The following PKD2L2 variants were observed in gnomAD, a reference collection of about 807,000 sequenced individuals.
PKD2L2 encodes the protein polycystin-2-like protein 2.
Under a neutral mutation model 83.9 loss-of-function variants are expected in PKD2L2, and 67 were observed. The ratio of observed to expected loss-of-function variants is 0.80; its 90% CI spans 0.66 to 0.98. The LOEUF (loss-of-function observed/expected upper bound fraction) is 0.98, where lower values mean the gene tolerates loss of function less well. Ranked by LOEUF, PKD2L2 falls within the 50% of genes least tolerant of loss-of-function variation. The pLI, the probability that PKD2L2 is intolerant of heterozygous loss-of-function variation, is 0.00. For synonymous variants in PKD2L2, 223 were observed against 237.8 expected, an observed-to-expected ratio of 0.94 and a Z score of 0.57; for missense variants, 632 against 717.2, an observed-to-expected ratio of 0.88 and a Z score of 1.36.
intron 4 of PKD2L2, among the ~76,000 whole-genome samples, chr5:137,898,482 AC>A (rs1415938022): frequency 6.6e-6 from 1 of 152,140 alleles, no homozygotes; most frequent in Non-Finnish European, 1.5e-5. Context: ...AACAGAAACA[AC>A]CTGTTAAAGA....
rs535993381 is a variant in PKD2L2, at chr5:137,936,344, G to A, written c.1809G>A (p.Leu603=). 9.0e-4 allele frequency: 1,375 copies of A among 1,531,504 alleles called. 1 individual carries two copies. Among genetic ancestry groups the A allele is most frequent in the Non-Finnish European group, 9.8e-4 (1,116 of 1,142,500 alleles). The allele number at this position is 1,531,504 out of a possible 1,614,324, so 94.9% of individuals were successfully genotyped here. A position where few individuals can be genotyped will look rare whatever the true frequency, so the allele number is the denominator to read the frequency against. Residue 603 remains leucine (L), a synonymous_variant, in exon 14 of 15, where the codon CTG becomes CTA. Coordinates refer to ENST00000508883, the MANE Select transcript of PKD2L2 (RefSeq NM_001300921.2). Reference sequence around the variant, plus strand: ...GACTTTTTTTATATGCTGTGGAGCTGGAGAAGGAATTACACTACATCAATT... The same window carrying A: ...GACTTTTTTTATATGCTGTGGAGCTAGAGAAGGAATTACACTACATCAATT... The part of the protein sequence containing the change: ...FRELFLYAVE[L]EKELHYINLK...
At chr5:137,926,069 C>G in intron 12 of PKD2L2, 140 bp downstream of exon 12, 1 of 566,356 alleles carries the variant, frequency 1.8e-6, no homozygotes, top group South Asian at 2.3e-5. Flanking sequence ...CTCCCAGAAT[C>G]TAGATCCTTT....
intron 12 of PKD2L2, among the ~76,000 whole-genome samples, chr5:137,932,517 T>C (rs1759958474): frequency 6.6e-6 from 1 of 152,260 alleles, no homozygotes; most frequent in Non-Finnish European, 1.5e-5. Context: ...AGTGAAATGA[T>C]AACACTGAGA....
intron 5 of PKD2L2, among the ~76,000 whole-genome samples, chr5:137,904,255 A>C (rs184406544): frequency 6.6e-6 from 1 of 152,294 alleles, no homozygotes; most frequent in East Asian, 1.9e-4. Flanking sequence ...TTTGCTCTAG[A>C]ATCAAACACT....
chr5:137,912,586 C>T (rs1396010810), intron 8 of PKD2L2, among the ~76,000 whole-genome samples: 3 of 151,508 alleles, frequency 2.0e-5, no homozygotes, highest in African/African-American at 7.3e-5. Flanking sequence ...AGGCTGGTCT[C>T]GAACTCCTGA....
At chr5:137,915,461 C>T (rs544023971) in intron 8 of PKD2L2, among the ~76,000 whole-genome samples, 84 of 152,022 alleles carry the variant, frequency 5.5e-4, no homozygotes, top group Admixed American at 2.8e-3. Flanking sequence ...CTCACTCTGT[C>T]GCCCAGGCTG....
At chr5:137,940,138 AC>A in intron 14 of PKD2L2, 1 of 1,614,038 alleles carries the variant, frequency 6.2e-7, no homozygotes, top group Non-Finnish European at 8.5e-7. Flanking sequence ...GCCTGACAAA[AC>A]GAATTTAAGT....
intron 14 of PKD2L2, chr5:137,939,355 G>C (rs945110556): frequency 6.6e-6 from 1 of 152,664 alleles, no homozygotes; most frequent in Non-Finnish European, 1.5e-5. Flanking sequence ...ACAAATCTGA[G>C]CACCATCAGA....
intron 12 of PKD2L2, among the ~76,000 whole-genome samples, chr5:137,927,957 G>A (rs1759514798): frequency 6.6e-6 from 1 of 151,996 alleles, no homozygotes; most frequent in Non-Finnish European, 1.5e-5. Flanking sequence ...GAAATAGAAG[G>A]TGACGTGAAT....
Position 137,936,333 on chromosome 5 carries a change from G to A in PKD2L2, c.1798G>A (p.Ala600Thr). Residue 600 changes from alanine (A) to threonine (T), a missense_variant, in exon 14 of 15, where the codon GCT becomes ACT. By Grantham distance (58) the Ala-to-Thr change is moderately conservative. This residue lies in a region of PKD2L2 where 399 missense variants were observed against 416.9 expected (regional missense o/e 0.96). Coordinates refer to ENST00000508883, the MANE Select transcript of PKD2L2 (RefSeq NM_001300921.2). Reference sequence around the variant, plus strand: ...GAAATTTTCTAGACTTTTTTTATATGCTGTGGAGCTGGAGAAGGAATTACA... The same window carrying A: ...GAAATTTTCTAGACTTTTTTTATATACTGTGGAGCTGGAGAAGGAATTACA... ...QEEFRELFLY[A>T]VELEKELHYI... The A allele has an allele frequency of 3.3e-6, 5 of 1,530,564 alleles. No individual in the cohort carries two copies. Among genetic ancestry groups the A allele is most frequent in the Non-Finnish European group, 4.4e-6 (5 of 1,141,732 alleles). 94.8% of individuals were successfully genotyped at this position (1,530,564 alleles called of 1,614,324 possible).
chr5:137,936,636 T>G (rs910809651), intron 14 of PKD2L2, among the ~76,000 whole-genome samples: 2 of 152,188 alleles, frequency 1.3e-5, no homozygotes, highest in African/African-American at 2.4e-5. Context: ...TTTGTATTTT[T>G]AGTAGAGACG....
intron 5 of PKD2L2, among the ~76,000 whole-genome samples, chr5:137,904,737 C>G (rs773297002): frequency 6.6e-6 from 1 of 152,106 alleles, no homozygotes; most frequent in South Asian, 2.1e-4. Flanking sequence ...TATAACAAAC[C>G]TGCACATGCA....
chr5:137,894,424 A>T lies in PKD2L2; in HGVS notation c.339A>T (p.Leu113Phe). ...ACAATAACCAGCAGCTGTATAATTT[A>T]AAGAACAGCAGTCGCATCTACTATG... Reference protein sequence around the residue: ...SWYNNQQLYNLKNSSRIYYEN... With the variant: ...SWYNNQQLYNFKNSSRIYYEN... Residue 113 changes from leucine to phenylalanine, a missense_variant, in exon 4 of 15, where the codon TTA becomes TTT. Around this residue, in one of 3 missense-constraint regions of PKD2L2, gnomAD observed 229 missense variants for 281.5 expected, o/e 0.81. Coordinates refer to ENST00000508883, the MANE Select transcript of PKD2L2 (RefSeq NM_001300921.2). The T allele has an allele frequency of 1.2e-6, 2 of 1,613,218 alleles. No homozygotes were observed. The highest frequency in any genetic ancestry group is 3.3e-5 in the Admixed American group (2 of 60,024).
chr5:137,939,806 A>C, intron 14 of PKD2L2: 1 of 1,199,872 alleles, frequency 8.3e-7, no homozygotes, highest in Non-Finnish European at 1.0e-6. Context: ...TCATTCTGTA[A>C]GAAAAAGGCA....
chr5:137,892,750 A>G, intron 3 of PKD2L2, 137 bp downstream of exon 3: 1 of 704,112 alleles, frequency 1.4e-6, no homozygotes, highest in Non-Finnish European at 2.3e-6. Flanking sequence ...ATTAGAAACA[A>G]CCAACCAGTA....
At chr5:137,905,331 G>C (rs1277344729) in intron 5 of PKD2L2, among the ~76,000 whole-genome samples, 1 of 152,128 alleles carries the variant, frequency 6.6e-6, no homozygotes, top group Non-Finnish European at 1.5e-5. Flanking sequence ...ACTAAACAGA[G>C]TATTAATTTT....
Position 137,908,884 on chromosome 5 carries a change from C to T in PKD2L2, c.1266C>T (p.Ala422=). The stretch of plus-strand genomic sequence containing the variant: ...TTTTTATAATATTCTTTGCTTATGC[C>T]CAGTTAGGATTTCTTGTTTTTGGAT... ...IMFFIIFFAY[A]QLGFLVFGSQ... The change falls in exon 8 of 15, where the codon GCC becomes GCT. Residue 422 remains alanine (A), a synonymous_variant. Transcript: ENST00000508883. 1 of 1,608,550 alleles carries T rather than the reference C, an allele frequency of 6.2e-7. No individual in the cohort carries two copies.
At chr5:137,907,956 G>A (rs1269488245) in intron 7 of PKD2L2, 44 bp downstream of exon 7, 2 of 821,718 alleles carry the variant, frequency 2.4e-6, no homozygotes, top group Non-Finnish European at 3.5e-6. Context: ...CAGTGTAATA[G>A]CATAATGAAA....
In PKD2L2 at chr5:137,931,620, A is replaced by G. The variant is rs780664108; in HGVS notation, c.1672-4177A>G. On this transcript the variant is annotated intron_variant, in intron 12 of 14. Coordinates refer to ENST00000508883, the MANE Select transcript of PKD2L2 (RefSeq NM_001300921.2). ...AAATGCTGGGTATTTTATAAGTTTC[A>G]ACACCCAATCTTGAGGGGAAAAATA... Among the ~76,000 whole-genome samples the G allele has an allele frequency of 3.3e-5, 5 of 152,198 alleles. 1 individual carries two copies. The highest frequency in any genetic ancestry group is 7.2e-5 in the African/African-American group (3 of 41,450).
Sources: gnomAD v4.1 joint callset for allele counts (sites outside exome capture counted in the v4.1 genomes callset) on GRCh38, gnomAD v4.1.1 for gene constraint, gnomAD v4.1.1 regional missense constraint, MANE v1.5 for transcripts, NCBI Gene and HGNC (gene_info 2026-07-23, HGNC 2026-07-21) for gene names.